Variants in CEP126 observed in about 807,000 individuals in gnomAD.
CEP126 encodes the protein centrosomal protein of 126 kDa.
CEP126 carries 74 observed loss-of-function variants against 107.8 expected under a neutral mutation model. That is an observed-to-expected ratio of 0.69 (90% CI 0.57 to 0.83). CEP126 has a LOEUF of 0.83. Ranked by LOEUF, CEP126 falls within the 40% of genes least tolerant of loss-of-function variation. The probability of loss-of-function intolerance (pLI) is 0.00; values close to 1 mark genes in which losing one functional copy is unlikely to be tolerated. For synonymous variants in CEP126, 449 were observed against 446.0 expected, an observed-to-expected ratio of 1.01 and a Z score of -0.08; for missense variants, 1,237 against 1,281.9, an observed-to-expected ratio of 0.96 and a Z score of 0.53.
intron 4 of CEP126, 138 bp from the exon 5 acceptor site, chr11:101,958,028 CTA>C (rs1034651836): frequency 8.3e-6 from 6 of 720,482 alleles, no homozygotes; most frequent in African/African-American, 7.0e-5. Context: ...TCTAACATGT[CTA>C]TATATTTCTC....
chr11:101,937,574 T>C (rs1940600704), intron 2 of CEP126, among the ~76,000 whole-genome samples: 3 of 152,216 alleles, frequency 2.0e-5, no homozygotes, highest in South Asian at 2.1e-4. Context: ...ATGAGAGATA[T>C]TGCTCTATAA....
chr11:101,948,286 G>A, intron 4 of CEP126, 144 bp downstream of exon 4: 1 of 464,468 alleles, frequency 2.2e-6, no homozygotes. Context: ...AATTGAGGTA[G>A]AATAGAATGA....
chr11:101,962,292 A>C lies in CEP126; in HGVS notation c.1257A>C (p.Lys419Asn). The stretch of plus-strand genomic sequence containing the variant: ...AGAGCCCAACATTTAAATTTAGCAA[A>C]TCCCAAAGCACTTCAGATTCTCTAA... ...VTESPTFKFS[K>N]SQSTSDSLTQ... The change falls in exon 6 of 11, where the codon AAA (lysine) becomes AAC (asparagine). Residue 419 changes from lysine (K) to asparagine (N), a missense_variant. Transcript: ENST00000263468. 1 of 1,613,492 alleles carries C rather than the reference A, an allele frequency of 6.2e-7. No homozygotes were observed. Among genetic ancestry groups the C allele is most frequent in the Non-Finnish European group, 8.5e-7 (1 of 1,179,780 alleles).
intron 2 of CEP126, among the ~76,000 whole-genome samples, chr11:101,936,489 A>T (rs532942559): frequency 6.6e-6 from 1 of 152,256 alleles, no homozygotes; most frequent in South Asian, 2.1e-4. Flanking sequence ...TTTTCTAGTT[A>T]TATAATTATG....
chr11:101,989,435 AT>A (rs1458336020), intron 9 of CEP126, among the ~76,000 whole-genome samples: 1 of 152,108 alleles, frequency 6.6e-6, no homozygotes, highest in Non-Finnish European at 1.5e-5. Flanking sequence ...GCTCCCAGAC[AT>A]TACCAAATAT....
At chr11:101,922,156 A>G (rs1180269341) in intron 1 of CEP126, among the ~76,000 whole-genome samples, 3 of 144,828 alleles carry the variant, frequency 2.1e-5, no homozygotes, top group African/African-American at 7.7e-5. Flanking sequence ...TTCTAATACC[A>G]AGTCAGAATT....
intron 7 of CEP126, among the ~76,000 whole-genome samples, chr11:101,981,602 TTTTGA>T (rs763961488): frequency 3.8e-4 from 58 of 152,180 alleles, no homozygotes; most frequent in Non-Finnish European, 7.1e-4. Context: ...TAATTAGCAC[TTTTGA>T]TTACCATCCA....
Position 101,997,784 on chromosome 11 carries a change from G to A in CEP126, c.*141G>A. On this transcript the variant is annotated 3_prime_UTR_variant, in exon 11 of 11. Coordinates refer to ENST00000263468, the MANE Select transcript of CEP126 (RefSeq NM_020802.4). ...TGTCCTAACTCAGATTTTGTGAGCA[G>A]TGAAGTTTAACAGAGCAGTGACATT... is the stretch of plus-strand genomic sequence containing the variant. The A allele has an allele frequency of 2.5e-6, 3 of 1,189,962 alleles. No individual in the cohort carries two copies. Among genetic ancestry groups the A allele is most frequent in the Non-Finnish European group, 3.6e-6 (3 of 836,338 alleles). The allele number at this position is 1,189,962 out of a possible 1,614,324, so 73.7% of individuals were successfully genotyped here. A position where few individuals can be genotyped will look rare whatever the true frequency, so the allele number is the denominator to read the frequency against.
intron 1 of CEP126, among the ~76,000 whole-genome samples, chr11:101,919,631 ATAAT>A (rs1162388109): frequency 2.0e-5 from 3 of 152,192 alleles, no homozygotes; most frequent in East Asian, 1.9e-4. Flanking sequence ...CTTTATATTA[ATAAT>A]TAATAATTCA....
intron 2 of CEP126, among the ~76,000 whole-genome samples, chr11:101,941,382 G>A (rs1940661386): frequency 6.6e-6 from 1 of 152,062 alleles, no homozygotes; most frequent in African/African-American, 2.4e-5. Flanking sequence ...CATTTAAAGT[G>A]AAATCATACA....
chr11:101,915,281 A>G lies in CEP126; in HGVS notation c.-4A>G. 6.2e-7 allele frequency: 1 copy of G among 1,613,502 alleles called. No homozygotes were observed. Among genetic ancestry groups the G allele is most frequent in the Non-Finnish European group, 8.5e-7 (1 of 1,179,872 alleles). On this transcript the variant is annotated 5_prime_UTR_variant, in exon 1 of 11. An upstream open reading frame in the 5' UTR loses its in-frame stop. Transcript: ENST00000263468. ...CGAGCAGACAGGCGGCGCTGAAGTGAAGGATGCTGGCGGGGAGGCCCGGAA... is the reference window on the plus strand; with the variant it reads ...CGAGCAGACAGGCGGCGCTGAAGTGGAGGATGCTGGCGGGGAGGCCCGGAA...
intron 8 of CEP126, among the ~76,000 whole-genome samples, chr11:101,982,771 T>TGTATA (rs1941271978): frequency 1.3e-5 from 2 of 152,168 alleles, no homozygotes; most frequent in Admixed American, 1.3e-4. Context: ...ATGTAGAATA[T>TGTATA]CCCTAATCCA....
Position 101,962,000 on chromosome 11 carries a change from A to C in CEP126, c.965A>C (p.Gln322Pro). 6.2e-7 allele frequency: 1 copy of C among 1,612,726 alleles called. No homozygotes were observed. Among genetic ancestry groups the C allele is most frequent in the Non-Finnish European group, 8.5e-7 (1 of 1,179,342 alleles). ...WLTNLDASNT[Q>P]NVTAFSDILS... ...ACAAATTTAGATGCTTCAAATACTCAGAATGTCACAGCTTTCTCAGATATT... is the reference window on the plus strand; with the variant it reads ...ACAAATTTAGATGCTTCAAATACTCCGAATGTCACAGCTTTCTCAGATATT... The change falls in exon 6 of 11, where the codon CAG (glutamine) becomes CCG (proline). Residue 322 changes from glutamine (Q) to proline (P), a missense_variant. Gln to Pro is a moderately conservative substitution (Grantham distance 76, BLOSUM62 -1). Around this residue, in one of 3 missense-constraint regions of CEP126, gnomAD observed 1,134 missense variants for 1,150.5 expected, o/e 0.99. Transcript: ENST00000263468.
chr11:101,948,042 C>T lies in CEP126; in HGVS notation c.406C>T (p.Pro136Ser), dbSNP rs762770188. 6.2e-7 allele frequency: 1 copy of T among 1,607,708 alleles called. No individual in the cohort carries two copies. Among genetic ancestry groups the T allele is most frequent in the South Asian group, 1.1e-5 (1 of 90,342 alleles). ...SQRRKAVSRK[P>S]VPPLEEALKQ... The stretch of plus-strand genomic sequence containing the variant: ...TATTATCTCTTTAGTTTCCCGAAAA[C>T]CAGTTCCTCCATTAGAAGAGGCCCT... Residue 136 changes from proline (P) to serine (S), a missense_variant, in exon 4 of 11, where the codon CCA (proline) becomes TCA (serine). Physicochemically the swap from Pro to Ser is moderately conservative, Grantham distance 74 (BLOSUM62 -1). Transcript: ENST00000263468.
chr11:101,963,921 C>T (rs373213354), intron 6 of CEP126, 41 bp downstream of exon 6: 107 of 1,327,048 alleles, frequency 8.1e-5, no homozygotes, highest in Admixed American at 7.6e-4. Context: ...AAAATGTACA[C>T]CTTTGTTAAA....
Position 101,922,619 on chromosome 11 carries a change from C to A in CEP126, c.129-22C>A, listed in dbSNP as rs749264139. 14 of 1,579,728 alleles carry A rather than the reference C, an allele frequency of 8.9e-6. No individual in the cohort carries two copies. The South Asian group carries it at 1.3e-4, about 15-fold the overall frequency. ...TCCACTAAAGATGTAGACCATTGTT[C>A]TTAACTTAATGCTATCATTAGAGAT... On this transcript the variant is annotated intron_variant, in intron 1 of 10. Coordinates refer to ENST00000263468, the MANE Select transcript of CEP126 (RefSeq NM_020802.4).
chr11:101,948,881 C>T (rs193007811), intron 4 of CEP126, among the ~76,000 whole-genome samples: 1 of 152,200 alleles, frequency 6.6e-6, no homozygotes, highest in East Asian at 1.9e-4. Context: ...AATACGTCCA[C>T]AATTCAGACA....
At chr11:101,972,646 C>A (rs1941145252) in intron 6 of CEP126, among the ~76,000 whole-genome samples, 1 of 151,262 alleles carries the variant, frequency 6.6e-6, no homozygotes, top group African/African-American at 2.4e-5. Flanking sequence ...ACTAAAAATA[C>A]AAAAATTAGC....
intron 6 of CEP126, among the ~76,000 whole-genome samples, chr11:101,964,637 TA>T (rs200494884): frequency 1.3e-4 from 17 of 128,940 alleles, no homozygotes; most frequent in South Asian, 2.8e-4. Flanking sequence ...AGACTCTATC[TA>T]AAAAAAAAAA....
Sources: allele counts gnomAD v4.1 joint callset (sites outside exome capture counted in the v4.1 genomes callset), GRCh38; gene constraint gnomAD v4.1.1; regional missense constraint gnomAD v4.1.1; transcripts MANE v1.5; gene names NCBI Gene and HGNC (gene_info 2026-07-23, HGNC 2026-07-21).